PRR33: variants seen among roughly 807,000 people sequenced by gnomAD.
PRR33 encodes proline-rich protein 33.
Under a neutral mutation model 0.5 loss-of-function variants are expected in PRR33, and 1 was observed. The ratio of observed to expected loss-of-function variants is 2.18; its 90% CI spans 0.77 to 10.34. PRR33 has a LOEUF of 10.34. Ranked by LOEUF, PRR33 falls within the 30% of genes most tolerant of loss-of-function variation. The probability of loss-of-function intolerance (pLI) is 0.13; values close to 1 mark genes in which losing one functional copy is unlikely to be tolerated. For missense variants in PRR33, 552 were observed against 251.8 expected (o/e 2.19, Z -8.07); for synonymous variants, 226 against 110.0 (o/e 2.06, Z -6.60).
exon 1 of PRR33, chr11:1,890,185 T>G: frequency 1.4e-6 from 1 of 716,502 alleles, no homozygotes; most frequent in Non-Finnish European, 2.6e-6. Context: ...GTGAGGCCGA[T>G]GGAGAACGTG....
chr11:1,893,689 T>C (rs1029221012), upstream of PRR33, among the ~76,000 whole-genome samples: 5 of 143,360 alleles, frequency 3.5e-5, no homozygotes, highest in Non-Finnish European at 7.6e-5. Flanking sequence ...GATGGATAGA[T>C]AGATAATGGA....
exon 1 of PRR33, chr11:1,890,241 G>A (rs927035393): frequency 1.6e-4 from 113 of 716,208 alleles, no homozygotes; most frequent in Middle Eastern, 2.3e-4. Context: ...GGGGGTGTGC[G>A]GGGAGCGGGG....
At chr11:1,888,875 A>G (rs1222654917) in exon 1 of PRR33, 1 of 392,766 alleles carries the variant, frequency 2.5e-6, no homozygotes, top group Non-Finnish European at 4.5e-6. Context: ...CCCCCATCCT[A>G]CATCCCGACG....
exon 1 of PRR33, chr11:1,889,726 T>A: frequency 1.5e-6 from 1 of 653,342 alleles, no homozygotes; most frequent in East Asian, 2.7e-5. Context: ...CCAGGGCCCA[T>A]GGGGACCAGG....
the PRR33 span, among the ~76,000 whole-genome samples, chr11:1,902,078 A>G: frequency 6.6e-6 from 1 of 152,018 alleles, no homozygotes; most frequent in Non-Finnish European, 1.5e-5. Flanking sequence ...TAAAAATACA[A>G]AAAGTTAGCC....
chr11:1,899,050 A>G, the PRR33 span, among the ~76,000 whole-genome samples: 2 of 152,072 alleles, frequency 1.3e-5, no homozygotes, highest in Non-Finnish European at 1.5e-5. Context: ...CCAACTGTCA[A>G]GGCAAAAGGT....
At chr11:1,895,756 A>G (rs979339755), upstream of PRR33, among the ~76,000 whole-genome samples, 2 of 152,264 alleles carry the variant, frequency 1.3e-5, no homozygotes, top group South Asian at 2.1e-4. Context: ...TTCTTTTTGC[A>G]TATGGAGATC....
exon 1 of PRR33, chr11:1,889,633 G>A (rs1490331713): frequency 3.2e-6 from 2 of 615,662 alleles, no homozygotes; most frequent in East Asian, 2.8e-5. Context: ...GGTGGGGTAG[G>A]GGATGAGGCC....
At chr11:1,893,377 A>C (rs922090744), upstream of PRR33, among the ~76,000 whole-genome samples, 6 of 147,382 alleles carry the variant, frequency 4.1e-5, no homozygotes, top group Non-Finnish European at 9.0e-5. Flanking sequence ...GGACTAATGG[A>C]TGGATGAGTG....
At chr11:1,897,136 C>T in the PRR33 span, among the ~76,000 whole-genome samples, 8 of 152,166 alleles carry the variant, frequency 5.3e-5, no homozygotes, top group Non-Finnish European at 7.3e-5. This position sits in a 1 kb window ranked among gnomAD's most constrained non-coding sequence, Gnocchi z 4.0. Flanking sequence ...CCTTGATGAG[C>T]GGAAACCTGG....
chr11:1,909,084 A>G, the PRR33 span, among the ~76,000 whole-genome samples: 1 of 152,252 alleles, frequency 6.6e-6, no homozygotes, highest in Non-Finnish European at 1.5e-5. Context: ...GCCCCCACTT[A>G]GCTTAAGAAA....
At chr11:1,906,985 A>G in the PRR33 span, among the ~76,000 whole-genome samples, 1 of 152,190 alleles carries the variant, frequency 6.6e-6, no homozygotes, top group Admixed American at 6.6e-5. Flanking sequence ...CGCTTCCCGC[A>G]CTGAGGCCTG....
At chr11:1,890,401 A>G (rs1461221484) in exon 1 of PRR33, 1 of 716,936 alleles carries the variant, frequency 1.4e-6, no homozygotes. Flanking sequence ...GAGGTGCGGA[A>G]GGCCCTGGGT....
At chr11:1,913,471 G>T in the PRR33 span, among the ~76,000 whole-genome samples, 1 of 152,112 alleles carries the variant, frequency 6.6e-6, no homozygotes, top group Non-Finnish European at 1.5e-5. Context: ...AAGCATCCAG[G>T]CCTCGCATTT....
the PRR33 span, among the ~76,000 whole-genome samples, chr11:1,915,702 G>T: frequency 7.3e-6 from 1 of 136,362 alleles, no homozygotes; most frequent in African/African-American, 2.7e-5. Flanking sequence ...TGTGTGTGTT[G>T]TGGGGAGGTG....
chr11:1,911,717 G>A, the PRR33 span, among the ~76,000 whole-genome samples: 16 of 151,444 alleles, frequency 1.1e-4, no homozygotes, highest in African/African-American at 3.6e-4. Context: ...CACTGCGCCC[G>A]GACCTCCCTT....
the PRR33 span, among the ~76,000 whole-genome samples, chr11:1,898,925 T>C: frequency 6.6e-6 from 1 of 152,084 alleles, no homozygotes; most frequent in African/African-American, 2.4e-5. Context: ...CGCTTGAACC[T>C]GGGAGGCAAA....
At chr11:1,889,468 C>G (rs1173531591) in exon 1 of PRR33, 1 of 632,104 alleles carries the variant, frequency 1.6e-6, no homozygotes, top group East Asian at 2.8e-5. Flanking sequence ...ACCTCCTGCT[C>G]TGTGGGGGTG....
exon 1 of PRR33, chr11:1,888,912 C>T (rs1189899047): frequency 4.3e-6 from 2 of 470,256 alleles, no homozygotes; most frequent in African/African-American, 2.0e-5. Flanking sequence ...TCCCCTCACA[C>T]CACTGCAGCC....
Sources: allele counts gnomAD v4.1 joint callset (sites outside exome capture counted in the v4.1 genomes callset), GRCh38; gene constraint gnomAD v4.1.1; non-coding constraint Gnocchi (gnomAD v3.1); transcripts MANE v1.5; gene names NCBI Gene and HGNC (gene_info 2026-07-23, HGNC 2026-07-21).